GTF2F2: variants seen among roughly 807,000 people sequenced by gnomAD.
GTF2F2 encodes general transcription factor IIF subunit 2, also known as ATP-dependent helicase GTF2F2.
GTF2F2 carries 23 observed loss-of-function variants against 42.2 expected under a neutral mutation model. The observed-to-expected ratio is 0.55, with a 90% CI of 0.39 to 0.77. The LOEUF is 0.77. Ranked by LOEUF, GTF2F2 falls within the 30% of genes least tolerant of loss-of-function variation. The pLI, the probability that GTF2F2 is intolerant of heterozygous loss-of-function variation, is 0.00. For missense variants in GTF2F2, 261 were observed against 287.2 expected (o/e 0.91, Z 0.66); for synonymous variants, 105 against 100.8 (o/e 1.04, Z -0.25).
intron 5 of GTF2F2, among the ~76,000 whole-genome samples, chr13:45,212,454 T>TCTTTCTTTTCTTTC (rs1214726852): frequency 1.5e-5 from 1 of 64,914 alleles, no homozygotes; most frequent in Non-Finnish European, 3.1e-5. Context: ...CTTGTTTCTT[T>TCTTTCTTTTCTTTC]CTTTCTTTCT....
chr13:45,267,361 C>A lies in GTF2F2; in HGVS notation c.615C>A (p.Ile205=). Residue 205 remains isoleucine, a synonymous_variant, in exon 7 of 8, where the codon ATC becomes ATA. Transcript: ENST00000340473. The part of the protein sequence containing the change: ...QYYNLKDLVD[I]TKQPVVYLKE... ...ATAATCTTAAGGACTTGGTGGACATCACAAAGCAACCTGTGGTATGTATAT... is the reference window on the plus strand; with the variant it reads ...ATAATCTTAAGGACTTGGTGGACATAACAAAGCAACCTGTGGTATGTATAT... 1 of 1,607,386 alleles carries A rather than the reference C, an allele frequency of 6.2e-7. No individual in the cohort carries two copies. The highest frequency in any genetic ancestry group is 8.5e-7 in the Non-Finnish European group (1 of 1,175,472).
At chr13:45,197,050 A>G (rs1872930588) in intron 4 of GTF2F2, among the ~76,000 whole-genome samples, 1 of 150,696 alleles carries the variant, frequency 6.6e-6, no homozygotes, top group African/African-American at 2.4e-5. Flanking sequence ...TCTAGACTTC[A>G]CTCTGGTGTT....
chr13:45,214,716 G>A (rs1057357489), intron 5 of GTF2F2, among the ~76,000 whole-genome samples: 1 of 152,046 alleles, frequency 6.6e-6, no homozygotes, highest in African/African-American at 2.4e-5. Flanking sequence ...ATTATTTTAA[G>A]TGTAACTTTT....
intron 5 of GTF2F2, among the ~76,000 whole-genome samples, chr13:45,232,543 G>C (rs1874737077): frequency 6.6e-6 from 1 of 152,180 alleles, no homozygotes; most frequent in Admixed American, 6.5e-5. Flanking sequence ...GCTGAGGCAG[G>C]AGGATCGCTT....
intron 5 of GTF2F2, among the ~76,000 whole-genome samples, chr13:45,208,542 C>T (rs897460419): frequency 5.9e-5 from 9 of 152,116 alleles, no homozygotes; most frequent in African/African-American, 1.7e-4. Context: ...TCTCTGCGTT[C>T]GTGGACCTTC....
chr13:45,240,788 G>A (rs1009769491), intron 5 of GTF2F2, among the ~76,000 whole-genome samples: 2 of 151,788 alleles, frequency 1.3e-5, no homozygotes, highest in East Asian at 1.9e-4. Flanking sequence ...AGATCGCACC[G>A]TTGTACTCCA....
chr13:45,123,928 G>A lies in GTF2F2; in HGVS notation c.66+3207G>A, dbSNP rs1868827710. Reference sequence around the variant, plus strand: ...GAGGGGAGAGTCTTAGTGTGGTTGGGGACTGAGTATGGCAGGGACTCCCCA... The same window carrying A: ...GAGGGGAGAGTCTTAGTGTGGTTGGAGACTGAGTATGGCAGGGACTCCCCA... On this transcript the variant is annotated intron_variant, in intron 1 of 7. Coordinates refer to ENST00000340473, the MANE Select transcript of GTF2F2 (RefSeq NM_004128.3). 6 of 499,632 alleles carry A rather than the reference G, an allele frequency of 1.2e-5. No homozygotes were observed. In the South Asian group the frequency reaches 1.2e-4, roughly 10 times the overall value. 30.9% of individuals were successfully genotyped at this position (499,632 alleles called of 1,614,324 possible).
chr13:45,126,659 A>G (rs1259563256), intron 1 of GTF2F2, among the ~76,000 whole-genome samples: 1 of 144,774 alleles, frequency 6.9e-6, no homozygotes, highest in Non-Finnish European at 1.5e-5. Context: ...CAGTGAACAA[A>G]ACGGACATGG....
At chr13:45,264,730 C>G (rs1876493301) in intron 6 of GTF2F2, among the ~76,000 whole-genome samples, 1 of 152,200 alleles carries the variant, frequency 6.6e-6, no homozygotes, top group Non-Finnish European at 1.5e-5. Flanking sequence ...GGTCCTCTTG[C>G]ATCTGACATG....
Position 45,233,029 on chromosome 13 carries a change from G to A in GTF2F2, c.387-19842G>A, listed in dbSNP as rs1267935767. 4.6e-5 allele frequency among the ~76,000 whole-genome samples: 7 copies of A among 152,216 alleles called. No individual in the cohort carries two copies. In the South Asian group the frequency reaches 6.2e-4, roughly 14 times the overall value. On this transcript the variant is annotated intron_variant, in intron 5 of 7. Transcript: ENST00000340473. ...AGGCTCACTTTAAACTACCAAGTTC[G>A]TTTTATATCTAAATTGCTTTTATGA...
At chr13:45,159,333 T>C (rs918756339) in intron 4 of GTF2F2, among the ~76,000 whole-genome samples, 7 of 152,256 alleles carry the variant, frequency 4.6e-5, no homozygotes, top group African/African-American at 1.2e-4. Flanking sequence ...GTAGAATTTA[T>C]AATCTGTCCT....
chr13:45,168,983 CTCCCTCCTTCCCTCTT>C (rs1273181234), intron 4 of GTF2F2, among the ~76,000 whole-genome samples: 4 of 145,680 alleles, frequency 2.7e-5, no homozygotes, highest in African/African-American at 5.0e-5. Context: ...TCCCTCCTTC[CTCCCTCCTTCCCTCTT>C]TCCCTCCTTC....
At chr13:45,263,583 C>G (rs756010679) in intron 6 of GTF2F2, 2 of 152,198 alleles carry the variant, frequency 1.3e-5, no homozygotes, top group East Asian at 3.9e-4. Context: ...GTCAGGATAC[C>G]TTGAAACTAT....
intron 4 of GTF2F2, among the ~76,000 whole-genome samples, chr13:45,157,878 C>T (rs1336979005): frequency 2.0e-5 from 3 of 152,140 alleles, no homozygotes; most frequent in Admixed American, 2.0e-4. Flanking sequence ...GCCACTGTGC[C>T]CAGTCTGCCA....
chr13:45,194,469 T>A, intron 4 of GTF2F2: 1 of 1,614,128 alleles, frequency 6.2e-7, no homozygotes, highest in Non-Finnish European at 8.5e-7. Flanking sequence ...GGGTCATCAG[T>A]GTGGATTTGC....
chr13:45,162,109 A>C (rs528365111), intron 4 of GTF2F2, among the ~76,000 whole-genome samples: 1 of 152,322 alleles, frequency 6.6e-6, no homozygotes, highest in South Asian at 2.1e-4. Flanking sequence ...AAGCTCTAAG[A>C]GATTGTGTGA....
chr13:45,240,101 A>AATTT (rs1555271033), intron 5 of GTF2F2, among the ~76,000 whole-genome samples: 1 of 91,104 alleles, frequency 1.1e-5, no homozygotes, highest in African/African-American at 5.3e-5. Context: ...ATGTAGAGGG[A>AATTT]TTTTTTTTTT....
chr13:45,222,927 A>G (rs1332336686), intron 5 of GTF2F2, among the ~76,000 whole-genome samples: 1 of 152,210 alleles, frequency 6.6e-6, no homozygotes, highest in Admixed American at 6.5e-5. Context: ...AGACCAAAGC[A>G]AGAGGATTGC....
intron 4 of GTF2F2, among the ~76,000 whole-genome samples, chr13:45,170,140 C>T (rs1871519443): frequency 6.6e-6 from 1 of 152,180 alleles, no homozygotes; most frequent in African/African-American, 2.4e-5. Flanking sequence ...CTTCCCACCC[C>T]AGCCTCCCAA....
Sources: gnomAD v4.1 joint callset for allele counts (sites outside exome capture counted in the v4.1 genomes callset) on GRCh38, gnomAD v4.1.1 for gene constraint, MANE v1.5 for transcripts, NCBI Gene and HGNC (gene_info 2026-07-23, HGNC 2026-07-21) for gene names.